LIMCH1: variants seen among roughly 807,000 people sequenced by gnomAD.
The protein encoded by LIMCH1 is LIM and calponin homology domains 1.
In LIMCH1, 113 loss-of-function variants were observed where a neutral mutation model predicts 176.5. That is an observed-to-expected ratio of 0.64 (90% CI 0.55 to 0.75). The LOEUF is 0.75. LIMCH1 is among the 30% of genes least tolerant of loss of function. The pLI, the probability that LIMCH1 is intolerant of heterozygous loss-of-function variation, is 0.00. For synonymous variants in LIMCH1, 619 were observed against 645.9 expected, an observed-to-expected ratio of 0.96 and a Z score of 0.63; for missense variants, 1,674 against 1,814.9, an observed-to-expected ratio of 0.92 and a Z score of 1.41.
chr4:41,409,144 A>G (rs2059252790), intron 1 of LIMCH1, among the ~76,000 whole-genome samples: 1 of 152,134 alleles, frequency 6.6e-6, no homozygotes, highest in Admixed American at 6.5e-5. Context: ...ATTCTACGAT[A>G]TGACTTTTTA....
chr4:41,681,387 G>A (rs566681467), intron 25 of LIMCH1, among the ~76,000 whole-genome samples: 2 of 152,166 alleles, frequency 1.3e-5, no homozygotes, highest in Non-Finnish European at 2.9e-5. Context: ...TCACAGCCCA[G>A]TTGCCAGATC....
intron 1 of LIMCH1, among the ~76,000 whole-genome samples, chr4:41,563,432 A>T (rs1272649321): frequency 6.6e-6 from 1 of 152,198 alleles, no homozygotes; most frequent in South Asian, 2.1e-4. Context: ...AACAGCTTGT[A>T]AAATGAAGCA....
At chr4:41,369,816 A>G (rs1328086512) in intron 1 of LIMCH1, among the ~76,000 whole-genome samples, 1 of 152,000 alleles carries the variant, frequency 6.6e-6, no homozygotes, top group African/African-American at 2.4e-5. Context: ...CCTCACAGCC[A>G]CATTTCCCCA....
chr4:41,663,037 A>G (rs2094683497), intron 20 of LIMCH1, 53 bp downstream of exon 20: 3 of 1,524,322 alleles, frequency 2.0e-6, no homozygotes, highest in Non-Finnish European at 2.7e-6. Context: ...ACATGGCCCC[A>G]TATTACAGCT....
intron 1 of LIMCH1, among the ~76,000 whole-genome samples, chr4:41,464,721 G>A (rs2065878567): frequency 6.6e-6 from 1 of 152,060 alleles, no homozygotes; most frequent in Non-Finnish European, 1.5e-5. Flanking sequence ...AACCTCCCCA[G>A]CATTGTCTGT....
chr4:41,439,667 G>A (rs1382122431), intron 1 of LIMCH1, among the ~76,000 whole-genome samples: 5 of 152,094 alleles, frequency 3.3e-5, no homozygotes, highest in Admixed American at 6.5e-5. Context: ...CACTTTGGGA[G>A]GCTGAGGTGG....
At chr4:41,684,575 A>G (rs577471667) in intron 27 of LIMCH1, 57 bp downstream of exon 27, 9 of 1,591,592 alleles carry the variant, frequency 5.7e-6, no homozygotes, top group African/African-American at 1.3e-5. Flanking sequence ...AGACCCCCAC[A>G]TTGTCCAGAA....
chr4:41,680,215 A>T, intron 24 of LIMCH1, 117 bp downstream of exon 24: 1 of 690,076 alleles, frequency 1.4e-6, no homozygotes, highest in Non-Finnish European at 2.6e-6. Flanking sequence ...CTTTACTGAC[A>T]GCAGAATCCC....
At chr4:41,558,879 C>G (rs2081669776) in intron 1 of LIMCH1, among the ~76,000 whole-genome samples, 1 of 152,194 alleles carries the variant, frequency 6.6e-6, no homozygotes, top group Non-Finnish European at 1.5e-5. Context: ...GAGCTTCTTT[C>G]TTTGTTAAAA....
upstream of LIMCH1, among the ~76,000 whole-genome samples, chr4:41,533,388 T>C (rs1261280330): frequency 6.6e-6 from 1 of 152,206 alleles, no homozygotes; most frequent in Admixed American, 6.5e-5. Context: ...CTTGTCCCGA[T>C]GAATGAAATG....
chr4:41,663,040 T>C lies in LIMCH1; in HGVS notation c.3291+56T>C. ...ACCCACAAGTTAACATGGCCCCATA[T>C]TACAGCTAGCTGCTGCTGTGGCAGT... On this transcript the variant is annotated intron_variant, in intron 20 of 31. Coordinates refer to ENST00000503057, the MANE Select transcript of LIMCH1 (RefSeq NM_001330672.2). 3 of 1,512,682 alleles carry C rather than the reference T, an allele frequency of 2.0e-6. No individual in the cohort carries two copies. The Admixed American group carries it at 5.5e-5, about 28-fold the overall frequency. 93.7% of individuals were successfully genotyped at this position (1,512,682 alleles called of 1,614,324 possible). A position where few individuals can be genotyped will look rare whatever the true frequency, so the allele number is the denominator to read the frequency against.
chr4:41,433,756 C>T (rs183250820), intron 1 of LIMCH1, among the ~76,000 whole-genome samples: 89 of 151,774 alleles, frequency 5.9e-4, no homozygotes, highest in African/African-American at 2.1e-3. Context: ...CAGCATGTTA[C>T]TTCCACCATA....
rs779026890 is a variant in LIMCH1 at position 41,631,381 on chromosome 4, A to G, written c.1505A>G (p.His502Arg). Residue 502 changes from histidine (H) to arginine (R), a missense_variant, in exon 10 of 32, where the codon CAT becomes CGT. Coordinates refer to ENST00000503057, the MANE Select transcript of LIMCH1 (RefSeq NM_001330672.2). ...PREDEEEVIC[H>R]GSKIQMDSVS... ...GAGGATGAAGAAGAAGTCATCTGTC[A>G]TGGCAGCAAGATTCAAATGGACTCT... The G allele has an allele frequency of 4.6e-6, 7 of 1,536,144 alleles. No individual in the cohort carries two copies. The highest frequency in any genetic ancestry group is 5.2e-6 in the Non-Finnish European group (6 of 1,146,942).
At chr4:41,655,602 A>G (rs2094439977) in intron 18 of LIMCH1, among the ~76,000 whole-genome samples, 2 of 152,332 alleles carry the variant, frequency 1.3e-5, no homozygotes, top group South Asian at 4.1e-4. Flanking sequence ...TCTAAAAAAC[A>G]TACAGATGTG....
chr4:41,506,447 G>A (rs1303741445), intron 2 of LIMCH1, among the ~76,000 whole-genome samples: 1 of 152,140 alleles, frequency 6.6e-6, no homozygotes, highest in Non-Finnish European at 1.5e-5. Context: ...ACCATGTGCT[G>A]CATAGCACCA....
intron 1 of LIMCH1, among the ~76,000 whole-genome samples, chr4:41,588,735 G>A (rs2086928135): frequency 2.0e-5 from 3 of 152,158 alleles, no homozygotes; most frequent in Non-Finnish European, 4.4e-5. Context: ...TGGCACAGCT[G>A]GGCAACCACA....
At chr4:41,376,820 A>G (rs997721076) in intron 1 of LIMCH1, among the ~76,000 whole-genome samples, 15 of 152,172 alleles carry the variant, frequency 9.9e-5, no homozygotes, top group African/African-American at 3.4e-4. Context: ...CTATTAAGAG[A>G]CTGCTAATAG....
intron 1 of LIMCH1, chr4:41,389,675 C>G (rs1374789895): frequency 6.6e-6 from 1 of 152,222 alleles, no homozygotes; most frequent in Non-Finnish European, 1.5e-5. Flanking sequence ...AACAGAAGTT[C>G]CCAACCTGCC....
intron 2 of LIMCH1, 121 bp downstream of exon 2, chr4:41,599,147 G>GAAAATAAA: frequency 3.3e-6 from 2 of 610,502 alleles, no homozygotes; most frequent in Non-Finnish European, 5.9e-6. Flanking sequence ...ATAAAAATGT[G>GAAAATAAA]AAGGTAAAAA....
Sources: gnomAD v4.1 joint callset for allele counts (sites outside exome capture counted in the v4.1 genomes callset) on GRCh38, gnomAD v4.1.1 for gene constraint, MANE v1.5 for transcripts, NCBI Gene and HGNC (gene_info 2026-07-23, HGNC 2026-07-21) for gene names.